NKAIN2: variants seen among roughly 807,000 people sequenced by gnomAD.
NKAIN2 encodes sodium/potassium-transporting ATPase subunit beta-1-interacting protein 2.
Under a neutral mutation model 32.6 loss-of-function variants are expected in NKAIN2, and 14 were observed. The observed-to-expected ratio is 0.43, with a 90% confidence interval of 0.28 to 0.67. The LOEUF (loss-of-function observed/expected upper bound fraction) is 0.67. Ranked by LOEUF, NKAIN2 falls within the 30% of genes least tolerant of loss-of-function variation. NKAIN2 has a pLI of 0.17. For missense variants in NKAIN2, 198 were observed against 258.3 expected, an observed-to-expected ratio of 0.77 and a Z score of 1.60; for synonymous variants, 80 against 87.2, an observed-to-expected ratio of 0.92 and a Z score of 0.46.
chr6:124,211,407 AC>A (rs1015488980), intron 1 of NKAIN2, among the ~76,000 whole-genome samples: 7 of 151,864 alleles, frequency 4.6e-5, no homozygotes, highest in African/African-American at 1.7e-4. Context: ...TGTTTTTCTG[AC>A]CCTAAACAGC....
At chr6:124,146,699 A>G (rs1221936665) in intron 1 of NKAIN2, among the ~76,000 whole-genome samples, 2 of 152,200 alleles carry the variant, frequency 1.3e-5, no homozygotes, top group Non-Finnish European at 1.5e-5. Context: ...ACACACTCAT[A>G]TCTACATGGA....
intron 1 of NKAIN2, among the ~76,000 whole-genome samples, chr6:124,097,113 A>C (rs953702511): frequency 6.6e-6 from 1 of 152,114 alleles, no homozygotes; most frequent in African/African-American, 2.4e-5. Context: ...CAGTAGAATT[A>C]GTTTTTATTT....
intron 2 of NKAIN2, among the ~76,000 whole-genome samples, chr6:124,319,871 C>T (rs550804875): frequency 6.6e-6 from 1 of 152,190 alleles, no homozygotes; most frequent in South Asian, 2.1e-4. Flanking sequence ...ATACTTTTCA[C>T]ATTTAATTTT....
chr6:124,343,682 G>T (rs1798257879), intron 2 of NKAIN2, among the ~76,000 whole-genome samples: 1 of 148,954 alleles, frequency 6.7e-6, no homozygotes, highest in South Asian at 2.2e-4. Context: ...GGGGTTGTTT[G>T]TTTTTTTCTT....
chr6:123,850,461 G>C (rs1775294012), intron 1 of NKAIN2, among the ~76,000 whole-genome samples: 1 of 151,914 alleles, frequency 6.6e-6, no homozygotes, highest in East Asian at 1.9e-4. Flanking sequence ...AAGAGAAGCA[G>C]TTAGAATTGA....
chr6:124,498,247 A>G (rs1778145335), intron 3 of NKAIN2, among the ~76,000 whole-genome samples: 1 of 152,142 alleles, frequency 6.6e-6, no homozygotes, highest in African/African-American at 2.4e-5. Flanking sequence ...GGCAGGGGGC[A>G]CTCATGATGT....
chr6:124,167,246 T>G (rs865949065), intron 1 of NKAIN2, among the ~76,000 whole-genome samples: 29 of 151,010 alleles, frequency 1.9e-4, no homozygotes, highest in Middle Eastern at 6.8e-3. Flanking sequence ...CCCTTGTAAG[T>G]TGGATTCCTA....
At chr6:124,773,827 A>G (rs1778866278) in intron 4 of NKAIN2, among the ~76,000 whole-genome samples, 1 of 152,220 alleles carries the variant, frequency 6.6e-6, no homozygotes, top group Non-Finnish European at 1.5e-5. Context: ...AGTAAAACTT[A>G]CTGAAGTGAC....
At chr6:124,497,902 AGTG>A (rs1778128591) in intron 3 of NKAIN2, among the ~76,000 whole-genome samples, 2 of 151,796 alleles carry the variant, frequency 1.3e-5, no homozygotes, top group Admixed American at 6.6e-5. Flanking sequence ...AATTCTTCAA[AGTG>A]TTTCATTCTG....
intron 5 of NKAIN2, among the ~76,000 whole-genome samples, chr6:124,812,144 G>A (rs1780931003): frequency 6.6e-6 from 1 of 152,056 alleles, no homozygotes; most frequent in Admixed American, 6.6e-5. Context: ...ACTCCTCTTG[G>A]CCAAAGGGGA....
intron 1 of NKAIN2, among the ~76,000 whole-genome samples, chr6:123,909,621 T>C (rs749362129): frequency 5.3e-5 from 8 of 152,204 alleles, no homozygotes; most frequent in Non-Finnish European, 1.2e-4. Context: ...CCAGCTTCTC[T>C]TGGCCAGCTC....
At chr6:124,087,987 G>A (rs1784258514) in intron 1 of NKAIN2, among the ~76,000 whole-genome samples, 1 of 151,954 alleles carries the variant, frequency 6.6e-6, no homozygotes, top group South Asian at 2.1e-4. Context: ...CTATTAGAGA[G>A]TGTTAATACT....
intron 3 of NKAIN2, among the ~76,000 whole-genome samples, chr6:124,576,895 C>T (rs968300255): frequency 6.6e-6 from 1 of 152,102 alleles, no homozygotes; most frequent in African/African-American, 2.4e-5. Context: ...GAGAAGAAAA[C>T]TTCATGACTC....
chr6:124,163,615 TCTTA>T (rs1191911496), intron 1 of NKAIN2, among the ~76,000 whole-genome samples: 1 of 152,088 alleles, frequency 6.6e-6, no homozygotes, highest in Admixed American at 6.6e-5. Flanking sequence ...ATGTCCGCAT[TCTTA>T]CTTAATCGCA....
chr6:124,761,057 A>G (rs1201480236), intron 4 of NKAIN2, among the ~76,000 whole-genome samples: 1 of 152,206 alleles, frequency 6.6e-6, no homozygotes, highest in African/African-American at 2.4e-5. Context: ...CATCATCAGT[A>G]AAGATACAAG....
rs1790149606 is a variant in NKAIN2, at chr6:124,193,721, G to A, written c.55-89284G>A. Reference sequence around the variant, plus strand: ...GAACGAGGTATGCAGACAAGTGGAGGGTGCGCAAGGAGAAGAGGAGCTTTA... The same window carrying A: ...GAACGAGGTATGCAGACAAGTGGAGAGTGCGCAAGGAGAAGAGGAGCTTTA... On this transcript the variant is annotated intron_variant, in intron 1 of 6. Transcript: ENST00000368417. Among the ~76,000 whole-genome samples the A allele has an allele frequency of 2.0e-5, 3 of 152,086 alleles. No individual in the cohort carries two copies. The South Asian group carries it at 6.2e-4, about 32-fold the overall frequency.
chr6:123,943,918 C>T (rs948260127), intron 1 of NKAIN2, among the ~76,000 whole-genome samples: 6 of 152,058 alleles, frequency 3.9e-5, no homozygotes, highest in African/African-American at 1.4e-4. Flanking sequence ...ACTTTGTTCA[C>T]AGAGTTGTGT....
chr6:124,032,762 A>G (rs528367931), intron 1 of NKAIN2, among the ~76,000 whole-genome samples: 10 of 152,170 alleles, frequency 6.6e-5, no homozygotes, highest in Admixed American at 2.0e-4. Context: ...AAAATAGAAA[A>G]CTCAAAAGCA....
At chr6:123,923,354 C>CT (rs149141892) in intron 1 of NKAIN2, among the ~76,000 whole-genome samples, 314 of 143,354 alleles carry the variant, frequency 2.2e-3, no homozygotes, top group African/African-American at 6.3e-3. Flanking sequence ...TCACTATAAG[C>CT]TTTTTTTTTT....
Sources: gnomAD v4.1 joint callset for allele counts (sites outside exome capture counted in the v4.1 genomes callset) on GRCh38, gnomAD v4.1.1 for gene constraint, MANE v1.5 for transcripts, NCBI Gene and HGNC (gene_info 2026-07-23, HGNC 2026-07-21) for gene names.